Variants in TMEM8B observed in about 807,000 individuals in gnomAD.
The protein encoded by TMEM8B is nasopharyngeal carcinoma expressed 6.
TMEM8B carries 29 observed loss-of-function variants against 49.3 expected under a neutral mutation model. That is an observed-to-expected ratio of 0.59 (90% CI 0.44 to 0.80). The LOEUF (loss-of-function observed/expected upper bound fraction) is 0.80. Ranked by LOEUF, TMEM8B falls within the 30% of genes least tolerant of loss-of-function variation. The pLI is 0.00. For missense variants in TMEM8B, 575 were observed against 658.5 expected (o/e 0.87, Z 1.39); for synonymous variants, 264 against 272.8 (o/e 0.97, Z 0.32).
chr9:35,831,246 G>A (rs1280193856), intron 1 of TMEM8B, among the ~76,000 whole-genome samples: 1 of 152,114 alleles, frequency 6.6e-6, no homozygotes, highest in East Asian at 1.9e-4. Flanking sequence ...GTGCATGTGT[G>A]TGGGGTGCAT....
chr9:35,834,969 C>A, intron 2 of TMEM8B, 42 bp from the exon 3 acceptor site: 2 of 415,746 alleles, frequency 4.8e-6, no homozygotes. Flanking sequence ...TGCCTCCCAC[C>A]CCATTGTCTG....
In TMEM8B at chr9:35,829,237, T is replaced by G. The variant is rs909253064; in HGVS notation, c.-211T>G. On this transcript the variant is annotated 5_prime_UTR_variant, in exon 1 of 13. Coordinates refer to ENST00000643932, the MANE Select transcript of TMEM8B (RefSeq NM_001042590.4). ...CGGGGGGCGGGGCGTCACGCCGACG[T>G]CAAGTCGAGGCCGCCGCCGCGGGGC... The G allele has an allele frequency of 1.5e-5, 5 of 342,600 alleles. No individual in the cohort carries two copies. In the East Asian group the frequency reaches 1.8e-4, roughly 12 times the overall value. The allele number at this position is 342,600 out of a possible 1,614,324, so 21.2% of individuals were successfully genotyped here.
chr9:35,834,260 GT>G (rs145575949), intron 1 of TMEM8B, among the ~76,000 whole-genome samples, 200 bp from the exon 2 acceptor site: 1 of 150,868 alleles, frequency 6.6e-6, no homozygotes, highest in Non-Finnish European at 1.5e-5. Flanking sequence ...TTTTGTTTTT[GT>G]TTTTTTTTAA....
intron 6 of TMEM8B, 34 bp from the exon 7 acceptor site, chr9:35,845,941 G>A: frequency 1.9e-6 from 3 of 1,612,084 alleles, no homozygotes; most frequent in Non-Finnish European, 2.5e-6. Context: ...GATGGAGGAT[G>A]TGGCGGCCTC....
chr9:35,846,965 A>G lies in TMEM8B; in HGVS notation c.2145A>G (p.Ala715=), dbSNP rs1415532866. 2.5e-6 allele frequency: 4 copies of G among 1,614,194 alleles called. No homozygotes were observed. The South Asian group carries it at 4.4e-5, about 18-fold the overall frequency. The change falls in exon 10 of 13, where the codon GCA becomes GCG. Residue 715 remains alanine, a synonymous_variant. Transcript: ENST00000643932. The stretch of plus-strand genomic sequence containing the variant: ...GGAGTCGATATGTGCTGGAAGCTGC[A>G]GTCTACACCTTCACCATGTTCTTCT... ...AIRSRYVLEA[A]VYTFTMFFST... is the part of the protein sequence containing the mutation.
rs1440653078 is a variant in TMEM8B, at chr9:35,853,862, T to C, written c.*22T>C. 12 of 1,515,886 alleles carry C rather than the reference T, an allele frequency of 7.9e-6. No individual in the cohort carries two copies. The highest frequency in any genetic ancestry group is 1.1e-5 in the Non-Finnish European group (12 of 1,138,230). 93.9% of individuals were successfully genotyped at this position (1,515,886 alleles called of 1,614,324 possible). A position where few individuals can be genotyped will look rare whatever the true frequency, so the allele number is the denominator to read the frequency against. ...CTGAGAGGGGCTTTGGGCCTGGCCC[T>C]GAGGGGATATGAATGCTTCCTAGAG... On this transcript the variant is annotated 3_prime_UTR_variant, in exon 13 of 13. Transcript: ENST00000643932. This position sits in a 1 kb window ranked among gnomAD's most constrained non-coding sequence, Gnocchi z 4.2.
rs369754805 is a variant in TMEM8B at position 35,842,687 on chromosome 9, C to T, written c.1605C>T (p.Gly535=). Residue 535 remains glycine, a synonymous_variant, in exon 6 of 13, where the codon GGC becomes GGT. Coordinates refer to ENST00000643932, the MANE Select transcript of TMEM8B (RefSeq NM_001042590.4). The surrounding 1 kb of genome is among the most constrained non-coding windows in gnomAD (Gnocchi z 5.6). The part of the protein sequence containing the change: ...MRLLPVLDSG[G]VLSLELQLNA... ...TGTTGCCAGTGCTGGACAGTGGAGG[C>T]GTCCTCAGCCTGGAGCTCCAGCTCA... 1.8e-4 allele frequency: 285 copies of T among 1,613,530 alleles called. No homozygotes were observed. Among genetic ancestry groups the T allele is most frequent in the Middle Eastern group, 4.9e-4 (3 of 6,084 alleles).
intron 10 of TMEM8B, 79 bp from the exon 11 acceptor site, chr9:35,852,748 C>G: frequency 1.3e-6 from 2 of 1,566,278 alleles, no homozygotes; most frequent in Admixed American, 3.4e-5. Context: ...AGCACACCAC[C>G]CCTGGGCCCA....
intron 6 of TMEM8B, 114 bp from the exon 7 acceptor site, chr9:35,845,861 G>A (rs1831474215): frequency 1.2e-5 from 19 of 1,587,164 alleles, no homozygotes; most frequent in East Asian, 4.5e-5. Flanking sequence ...GGAGAGCGCC[G>A]GGAGGAATGG....
intron 3 of TMEM8B, among the ~76,000 whole-genome samples, chr9:35,837,964 T>C (rs1830601466): frequency 6.6e-6 from 1 of 152,096 alleles, no homozygotes; most frequent in South Asian, 2.1e-4. Flanking sequence ...TTCTCATCCT[T>C]CCTCTTCCTG....
intron 1 of TMEM8B, among the ~76,000 whole-genome samples, chr9:35,832,169 GT>G (rs1218287577): frequency 3.0e-4 from 6 of 20,328 alleles, no homozygotes; most frequent in African/African-American, 5.7e-4. Flanking sequence ...AGGTGTAGGG[GT>G]GTGTGTGTGT....
In TMEM8B at chr9:35,834,495, A is replaced by T; in HGVS notation, c.543A>T (p.Ser181=). 1 of 416,282 alleles carries T rather than the reference A, an allele frequency of 2.4e-6. No homozygotes were observed. Among genetic ancestry groups the T allele is most frequent in the Non-Finnish European group, 4.4e-6 (1 of 226,640 alleles). The allele number at this position is 416,282 out of a possible 1,614,324, so 25.8% of individuals were successfully genotyped here. Residue 181 remains serine, a synonymous_variant, in exon 2 of 13, where the codon TCA becomes TCT. Transcript: ENST00000643932. ...GLFLTDYSTC[S]PRKLSPFRSF... ...TCCTGACTGATTACTCCACCTGCTC[A>T]CCCCGCAAGCTGAGTCCTTTCCGCT... is the stretch of plus-strand genomic sequence containing the variant.
rs1200457214 is a variant in TMEM8B, at chr9:35,853,927, G to C, written c.*87G>C. The C allele has an allele frequency of 6.9e-7, 1 of 1,441,494 alleles. No individual in the cohort carries two copies. Among genetic ancestry groups the C allele is most frequent in the African/African-American group, 1.4e-5 (1 of 70,214 alleles). 89.3% of individuals were successfully genotyped at this position (1,441,494 alleles called of 1,614,324 possible). A position where few individuals can be genotyped will look rare whatever the true frequency, so the allele number is the denominator to read the frequency against. Reference sequence around the variant, plus strand: ...GTGGAGCCCTCTTAGAAGGAGACAGGCTGTATTTCTTGAGGACATGGAGTC... The same window carrying C: ...GTGGAGCCCTCTTAGAAGGAGACAGCCTGTATTTCTTGAGGACATGGAGTC... On this transcript the variant is annotated 3_prime_UTR_variant, in exon 13 of 13. Transcript: ENST00000643932. The surrounding 1 kb of genome is among the most constrained non-coding windows in gnomAD (Gnocchi z 4.2).
At chr9:35,848,119 G>A (rs1379467104) in intron 10 of TMEM8B, among the ~76,000 whole-genome samples, 1 of 152,146 alleles carries the variant, frequency 6.6e-6, no homozygotes, top group African/African-American at 2.4e-5. Flanking sequence ...CTGGGAGAAA[G>A]CAGGGGCAAA....
At chr9:35,848,358 G>A (rs1363612409) in intron 10 of TMEM8B, among the ~76,000 whole-genome samples, 1 of 152,154 alleles carries the variant, frequency 6.6e-6, no homozygotes, top group Non-Finnish European at 1.5e-5. Flanking sequence ...CCTTTCTACT[G>A]TGGCTCACCA....
Position 35,859,220 on chromosome 9 carries a change from GA to G in TMEM8B, c.*5382del, listed in dbSNP as rs2132426686. 2 of 155,228 alleles carry G rather than the reference GA, an allele frequency of 1.3e-5. No individual in the cohort carries two copies. Among genetic ancestry groups the G allele is most frequent in the East Asian group, 1.9e-4 (1 of 5,360 alleles). 9.6% of individuals were successfully genotyped at this position (155,228 alleles called of 1,614,324 possible). On this transcript the variant is annotated 3_prime_UTR_variant, in exon 13 of 13. Transcript: ENST00000643932. ...CCTTGGCCTTGGGTTTGAAGTACAT[GA>G]AGGAGATTGTCCCATAAAAAACCAC...
intron 10 of TMEM8B, among the ~76,000 whole-genome samples, chr9:35,850,265 G>T (rs1292930086): frequency 6.6e-6 from 1 of 152,168 alleles, no homozygotes; most frequent in East Asian, 1.9e-4. Context: ...AAAAAACCTT[G>T]CAGGATAATT....
intron 6 of TMEM8B, chr9:35,845,696 T>C (rs1166158346): frequency 1.0e-6 from 1 of 985,352 alleles, no homozygotes; most frequent in Non-Finnish European, 1.2e-6. Context: ...GTGTTCTCTC[T>C]TGCTTGGACA....
rs2132424502 is a variant in TMEM8B, at chr9:35,857,829, G to A, written c.*3989G>A. 6.6e-6 allele frequency: 1 copy of A among 152,354 alleles called. No homozygotes were observed. The highest frequency in any genetic ancestry group is 2.4e-5 in the African/African-American group (1 of 41,566). The allele number at this position is 152,354 out of a possible 1,614,324, so 9.4% of individuals were successfully genotyped here. On this transcript the variant is annotated 3_prime_UTR_variant, in exon 13 of 13. Transcript: ENST00000643932. The stretch of plus-strand genomic sequence containing the variant: ...AGCTGGGCCAGCAGTTAGGAAAGAA[G>A]GCTGAGTGTGAAGTGAGGGGCAGTA...
Sources: gnomAD v4.1 joint callset for allele counts (sites outside exome capture counted in the v4.1 genomes callset) on GRCh38, gnomAD v4.1.1 for gene constraint, Gnocchi (gnomAD v3.1) non-coding constraint, MANE v1.5 for transcripts, NCBI Gene and HGNC (gene_info 2026-07-23, HGNC 2026-07-21) for gene names.